ABCE1: variants seen among roughly 807,000 people sequenced by gnomAD.
ABCE1 encodes the protein ATP-binding cassette sub-family E member 1.
In ABCE1, 22 loss-of-function variants were observed where a neutral mutation model predicts 83.4. The ratio of observed to expected loss-of-function variants is 0.26; its 90% CI spans 0.19 to 0.38. ABCE1 has a LOEUF of 0.38. ABCE1 is among the 10% of genes least tolerant of loss of function. The pLI is 1.00. For synonymous variants in ABCE1, 204 were observed against 233.7 expected (o/e 0.87, Z 1.16); for missense variants, 330 against 721.9 (o/e 0.46, Z 6.22).
chr4:145,110,918 C>T, intron 7 of ABCE1, 50 bp from the exon 8 acceptor site: 1 of 1,267,614 alleles, frequency 7.9e-7, no homozygotes, highest in Non-Finnish European at 1.1e-6. Context: ...ATACTTTTTA[C>T]CTGGAAGAGG....
At chr4:145,108,615 C>A (rs911187031) in intron 4 of ABCE1, among the ~76,000 whole-genome samples, 3 of 152,130 alleles carry the variant, frequency 2.0e-5, no homozygotes, top group Non-Finnish European at 4.4e-5. Flanking sequence ...ATCTAGGAGT[C>A]TAGATTTTTA....
intron 8 of ABCE1, among the ~76,000 whole-genome samples, chr4:145,111,714 A>C (rs906362737): frequency 2.3e-4 from 35 of 152,220 alleles, no homozygotes; most frequent in Admixed American, 1.7e-3. Context: ...GAGGTCTTTT[A>C]AATCACTGTA....
chr4:145,115,815 A>C (rs958341434), intron 9 of ABCE1, among the ~76,000 whole-genome samples: 1 of 151,892 alleles, frequency 6.6e-6, no homozygotes, highest in Non-Finnish European at 1.5e-5. Flanking sequence ...CATACTCTTC[A>C]TTTTGTCATT....
chr4:145,104,363 A>G, intron 1 of ABCE1, 23 bp from the exon 2 acceptor site: 1 of 1,274,546 alleles, frequency 7.8e-7, no homozygotes, highest in Non-Finnish European at 1.1e-6. Flanking sequence ...ATGGCATTAA[A>G]TTTGTTGATT....
chr4:145,104,311 G>GT, intron 1 of ABCE1, 75 bp from the exon 2 acceptor site: 1 of 524,114 alleles, frequency 1.9e-6, no homozygotes, highest in Non-Finnish European at 3.2e-6. Context: ...GATCATTTAT[G>GT]TTTTCCTGTC....
intron 17 of ABCE1, among the ~76,000 whole-genome samples, chr4:145,126,822 G>A (rs555283165): frequency 1.3e-5 from 2 of 152,156 alleles, no homozygotes; most frequent in Admixed American, 6.5e-5. Flanking sequence ...CTAACAGTAT[G>A]TCTGGATGCC....
In ABCE1 at chr4:145,127,738, T is replaced by G; in HGVS notation, c.*165T>G. The G allele has an allele frequency of 2.1e-6, 1 of 484,980 alleles. No homozygotes were observed. Among genetic ancestry groups the G allele is most frequent in the Non-Finnish European group, 3.5e-6 (1 of 285,754 alleles). The allele number at this position is 484,980 out of a possible 1,614,324, so 30.0% of individuals were successfully genotyped here. A position where few individuals can be genotyped will look rare whatever the true frequency, so the allele number is the denominator to read the frequency against. On this transcript the variant is annotated 3_prime_UTR_variant, in exon 18 of 18. Transcript: ENST00000296577. ...AGCCAGTTGGGTTCTAAATTGTAGT[T>G]GAAACACAGAAAATGCCACTTTTCT...
rs201724210 is a variant in ABCE1 at position 145,103,029 on chromosome 4, CAG to C, written c.-27-1356_-27-1355del. 5.0e-3 allele frequency among the ~76,000 whole-genome samples: 760 copies of C among 152,010 alleles called. 3 individuals are homozygous for C. Among genetic ancestry groups the C allele is most frequent in the African/African-American group, 0.016 (681 of 41,450 alleles). ...TTGTAAAAGAGTGTGTGAAAGTTAA[CAG>C]GGGCTGAAATCTTCAAAGAATGAAA... On this transcript the variant is annotated intron_variant, in intron 1 of 17. Transcript: ENST00000296577.
intron 1 of ABCE1, among the ~76,000 whole-genome samples, chr4:145,102,843 T>C (rs1749190174): frequency 6.6e-6 from 1 of 152,108 alleles, no homozygotes. Context: ...GTTGAGGTTA[T>C]AGAAGGATTG....
Position 145,119,926 on chromosome 4 carries a change from C to G in ABCE1, c.923-6C>G, listed in dbSNP as rs766192058. On this transcript the variant is annotated splice_region_variant and splice_polypyrimidine_tract_variant and intron_variant, in intron 10 of 17. Coordinates refer to ENST00000296577, the MANE Select transcript of ABCE1 (RefSeq NM_002940.3). ...TTCTCCCGGTTGACAATTTTCTTCCCAACAGGCATAAACATTTTTTTGGAT... is the reference window on the plus strand; with the variant it reads ...TTCTCCCGGTTGACAATTTTCTTCCGAACAGGCATAAACATTTTTTTGGAT... 3 of 1,607,296 alleles carry G rather than the reference C, an allele frequency of 1.9e-6. No homozygotes were observed. In the South Asian group the frequency reaches 3.3e-5, roughly 18 times the overall value.
Position 145,098,333 on chromosome 4 carries a change from G to C in ABCE1, c.-114G>C, listed in dbSNP as rs1306652158. ...GGCACCGCCATTTTGGCCGGTGGCC[G>C]TGAGAACACGCTGTGTGGCTGAAAA... On this transcript the variant is annotated 5_prime_UTR_variant, in exon 1 of 18. Coordinates refer to ENST00000296577, the MANE Select transcript of ABCE1 (RefSeq NM_002940.3). 6.6e-6 allele frequency: 1 copy of C among 152,470 alleles called. No individual in the cohort carries two copies. The highest frequency in any genetic ancestry group is 2.4e-5 in the African/African-American group (1 of 41,482). The allele number at this position is 152,470 out of a possible 1,614,324, so 9.4% of individuals were successfully genotyped here.
At chr4:145,124,778 G>C (rs530674281) in intron 16 of ABCE1, among the ~76,000 whole-genome samples, 1 of 149,020 alleles carries the variant, frequency 6.7e-6, no homozygotes, top group Admixed American at 6.7e-5. Flanking sequence ...TTTTTGTTTT[G>C]CACAAAAATA....
At chr4:145,112,763 G>A (rs557114855) in intron 9 of ABCE1, among the ~76,000 whole-genome samples, 1 of 152,098 alleles carries the variant, frequency 6.6e-6, no homozygotes, top group East Asian at 1.9e-4. Context: ...TTCAAAATAC[G>A]CTGTGTTTAT....
chr4:145,104,817 T>G (rs1749254201), intron 2 of ABCE1, among the ~76,000 whole-genome samples: 1 of 151,288 alleles, frequency 6.6e-6, no homozygotes. Context: ...TATAATTACT[T>G]TAATATTATA....
chr4:145,105,047 T>G (rs1199236104), intron 2 of ABCE1, among the ~76,000 whole-genome samples: 1 of 152,030 alleles, frequency 6.6e-6, no homozygotes, highest in Non-Finnish European at 1.5e-5. Flanking sequence ...GAATGAGGCA[T>G]AGAATTACTG....
At chr4:145,104,333 CAAATTAGTTCCCTTAACTAATGGCATT>C in intron 1 of ABCE1, 26 bp from the exon 2 acceptor site, 2 of 716,842 alleles carry the variant, frequency 2.8e-6, no homozygotes, top group Admixed American at 6.1e-5. Context: ...TTCATGTATG[CAAATTAGTTCCCTTAACTAATGGCATT>C]AAATTTGTTG....
intron 13 of ABCE1, 29 bp downstream of exon 13, chr4:145,121,420 A>G (rs1429958721): frequency 1.3e-6 from 2 of 1,564,644 alleles, no homozygotes; most frequent in African/African-American, 2.7e-5. Flanking sequence ...TATGGTTACT[A>G]AAGAAAATTT....
At chr4:145,112,019 C>G (rs1241508567) in intron 8 of ABCE1, among the ~76,000 whole-genome samples, 1 of 152,168 alleles carries the variant, frequency 6.6e-6, no homozygotes, top group East Asian at 1.9e-4. Flanking sequence ...AGACCCTCAC[C>G]AGACCTGGTG....
intron 8 of ABCE1, among the ~76,000 whole-genome samples, chr4:145,111,401 A>G (rs936688574): frequency 5.3e-5 from 8 of 152,188 alleles, no homozygotes; most frequent in African/African-American, 1.7e-4. Flanking sequence ...TTGGCTCACT[A>G]CAAGCTCCAC....
Sources: allele counts gnomAD v4.1 joint callset (sites outside exome capture counted in the v4.1 genomes callset), GRCh38; gene constraint gnomAD v4.1.1; transcripts MANE v1.5; gene names NCBI Gene and HGNC (gene_info 2026-07-23, HGNC 2026-07-21).